Variants in LRBA observed in about 807,000 individuals in gnomAD.
The protein encoded by LRBA is LPS responsive beige-like anchor protein, also known as lipopolysaccharide-responsive and beige-like anchor protein.
A neutral mutation model predicts 330.0 loss-of-function variants in LRBA; 176 were observed. The ratio of observed to expected loss-of-function variants is 0.53; its 90% confidence interval spans 0.47 to 0.60. LRBA has a LOEUF of 0.60. Among genes scored for constraint, LRBA ranks in the 20% least tolerant of loss-of-function variants. The pLI is 0.00. For missense variants in LRBA, 3,259 were observed against 3,444.8 expected (o/e 0.95, Z 1.35); for synonymous variants, 1,230 against 1,193.0 (o/e 1.03, Z -0.64).
At chr4:150,935,094 T>C (rs1481984047) in intron 2 of LRBA, among the ~76,000 whole-genome samples, 4 of 151,344 alleles carry the variant, frequency 2.6e-5, no homozygotes, top group African/African-American at 9.7e-5. Flanking sequence ...GAGAATCGCT[T>C]GAACCCAGGA....
At chr4:150,732,706 G>C (rs1221591859) in intron 36 of LRBA, among the ~76,000 whole-genome samples, 1 of 151,926 alleles carries the variant, frequency 6.6e-6, no homozygotes, top group Non-Finnish European at 1.5e-5. Context: ...CCAAGTTGTT[G>C]ATGGTATCTT....
At chr4:150,694,033 A>G (rs1784391861) in intron 36 of LRBA, among the ~76,000 whole-genome samples, 1 of 152,196 alleles carries the variant, frequency 6.6e-6, no homozygotes, top group African/African-American at 2.4e-5. Context: ...TTTAAAAGAA[A>G]CATATACTTG....
chr4:150,407,827 C>T (rs1241056779), intron 47 of LRBA, among the ~76,000 whole-genome samples: 3 of 151,988 alleles, frequency 2.0e-5, no homozygotes, highest in Non-Finnish European at 4.4e-5. Flanking sequence ...AAAGAAACCA[C>T]AAGAATATTA....
chr4:150,275,906 T>G (rs1290947068), intron 56 of LRBA, among the ~76,000 whole-genome samples: 2 of 152,216 alleles, frequency 1.3e-5, no homozygotes, highest in Non-Finnish European at 2.9e-5. Flanking sequence ...TACCATTGAC[T>G]TTCTTCACAG....
chr4:150,622,535 T>C (rs1479581948), intron 37 of LRBA, among the ~76,000 whole-genome samples: 2 of 151,968 alleles, frequency 1.3e-5, no homozygotes, highest in African/African-American at 2.4e-5. Context: ...AGACCCTGTC[T>C]ATAAAAAAGA....
At chr4:150,758,674 A>T (rs553925149) in intron 35 of LRBA, among the ~76,000 whole-genome samples, 1 of 151,266 alleles carries the variant, frequency 6.6e-6, no homozygotes, top group Non-Finnish European at 1.5e-5. Flanking sequence ...CCTGGGCTCA[A>T]GTGATCCTCC....
chr4:150,965,161 A>C (rs1244089771), intron 2 of LRBA, among the ~76,000 whole-genome samples: 2 of 152,168 alleles, frequency 1.3e-5, no homozygotes, highest in East Asian at 3.8e-4. Flanking sequence ...AATTACATTA[A>C]GTATGAAATA....
At chr4:150,274,750 A>C (rs1005864353) in intron 56 of LRBA, among the ~76,000 whole-genome samples, 2 of 152,220 alleles carry the variant, frequency 1.3e-5, no homozygotes, top group African/African-American at 2.4e-5. Flanking sequence ...ACCAGGAAGA[A>C]GTCAAATCCC....
intron 49 of LRBA, among the ~76,000 whole-genome samples, chr4:150,324,984 A>G (rs1356899439): frequency 2.0e-5 from 3 of 152,088 alleles, no homozygotes; most frequent in Non-Finnish European, 4.4e-5. Flanking sequence ...CTTATTTTGT[A>G]GCTCAAGTCT....
At chr4:150,411,672 T>C (rs1329832117) in intron 47 of LRBA, among the ~76,000 whole-genome samples, 1 of 152,134 alleles carries the variant, frequency 6.6e-6, no homozygotes, top group African/African-American at 2.4e-5. Context: ...GTATCGTCTG[T>C]AATAATCTGG....
chr4:150,466,921 T>C (rs1268924153), intron 44 of LRBA, among the ~76,000 whole-genome samples: 1 of 152,046 alleles, frequency 6.6e-6, no homozygotes, highest in Non-Finnish European at 1.5e-5. Flanking sequence ...TAGACAAAAC[T>C]GTGATCTCCA....
chr4:150,966,410 G>A (rs1738893138), intron 2 of LRBA, among the ~76,000 whole-genome samples: 1 of 150,428 alleles, frequency 6.6e-6, no homozygotes, highest in South Asian at 2.1e-4. Flanking sequence ...CAGGTTCAAA[G>A]CCATTCTCCT....
intron 35 of LRBA, among the ~76,000 whole-genome samples, chr4:150,758,894 T>C (rs1734694430): frequency 6.6e-6 from 1 of 151,878 alleles, no homozygotes; most frequent in Admixed American, 6.6e-5. Context: ...CTTCTATCCT[T>C]AAATTCCTAC....
intron 40 of LRBA, among the ~76,000 whole-genome samples, chr4:150,568,233 G>T (rs1364788500): frequency 1.3e-5 from 2 of 152,086 alleles, no homozygotes; most frequent in Non-Finnish European, 2.9e-5. Flanking sequence ...AATGATAGAT[G>T]TAAGAAAGCT....
At chr4:150,403,536 C>T (rs1414457419) in intron 47 of LRBA, among the ~76,000 whole-genome samples, 1 of 151,936 alleles carries the variant, frequency 6.6e-6, no homozygotes, top group African/African-American at 2.4e-5. Context: ...CTCTCTCTTT[C>T]TTCTTCTTCT....
intron 31 of LRBA, among the ~76,000 whole-genome samples, chr4:150,810,790 C>T (rs1743605834): frequency 6.6e-6 from 1 of 151,960 alleles, no homozygotes. Context: ...TTTGTAGAGA[C>T]AGGGTCTCAT....
chr4:150,531,011 C>A (rs902781075), intron 40 of LRBA, among the ~76,000 whole-genome samples: 1 of 152,090 alleles, frequency 6.6e-6, no homozygotes, highest in African/African-American at 2.4e-5. Context: ...AACTCCCAAG[C>A]CAATTTTACC....
intron 37 of LRBA, among the ~76,000 whole-genome samples, chr4:150,608,940 TC>T (rs1214790596): frequency 6.6e-6 from 1 of 152,252 alleles, no homozygotes; most frequent in Non-Finnish European, 1.5e-5. Context: ...GGTAGCTCAT[TC>T]TTTTTATTAC....
intron 22 of LRBA, among the ~76,000 whole-genome samples, chr4:150,855,630 G>A (rs1751134321): frequency 6.6e-6 from 1 of 151,894 alleles, no homozygotes; most frequent in Non-Finnish European, 1.5e-5. Flanking sequence ...ATTCCCCTAT[G>A]TGCCCTGCCC....
Sources: gnomAD v4.1 joint callset for allele counts (sites outside exome capture counted in the v4.1 genomes callset) on GRCh38, gnomAD v4.1.1 for gene constraint, MANE v1.5 for transcripts, NCBI Gene and HGNC (gene_info 2026-07-23, HGNC 2026-07-21) for gene names.